The following CTBP1 variants were observed in gnomAD, a reference collection of about 807,000 sequenced individuals.
CTBP1 encodes the protein C-terminal-binding protein 1.
A neutral mutation model predicts 42.1 loss-of-function variants in CTBP1; 11 were observed. The ratio of observed to expected loss-of-function variants is 0.26; its 90% CI spans 0.16 to 0.43. The LOEUF (loss-of-function observed/expected upper bound fraction) is 0.43, where lower values mean the gene tolerates loss of function less well. CTBP1 is among the 20% of genes least tolerant of loss of function. The pLI, the probability that CTBP1 is intolerant of heterozygous loss-of-function variation, is 1.00. For missense variants in CTBP1, 399 were observed against 624.3 expected (o/e 0.64, Z 3.85); for synonymous variants, 324 against 277.1 (o/e 1.17, Z -1.68).
chr4:1,246,987 G>C (rs1048124388), intron 1 of CTBP1, among the ~76,000 whole-genome samples: 1 of 152,180 alleles, frequency 6.6e-6, no homozygotes, highest in Non-Finnish European at 1.5e-5. Flanking sequence ...CAGGGGGCCG[G>C]CTCTGCGCCA....
intron 1 of CTBP1, chr4:1,242,519 C>T (rs1732283723): frequency 1.0e-6 from 1 of 984,964 alleles, no homozygotes; most frequent in Admixed American, 6.1e-5. Flanking sequence ...ATCTCCAACC[C>T]TCAACTCCCT....
chr4:1,233,315 T>A lies in CTBP1; in HGVS notation c.162+4868A>T, dbSNP rs1731155838. The A allele has an allele frequency of 6.6e-6, 1 of 152,304 alleles. No homozygotes were observed. Among genetic ancestry groups the A allele is most frequent in the Non-Finnish European group, 1.5e-5 (1 of 68,138 alleles). The allele number at this position is 152,304 out of a possible 1,614,324, so 9.4% of individuals were successfully genotyped here. A position where few individuals can be genotyped will look rare whatever the true frequency, so the allele number is the denominator to read the frequency against. On this transcript the variant is annotated intron_variant, in intron 3 of 9. Transcript: ENST00000382952. This position sits in a 1 kb window ranked among gnomAD's most constrained non-coding sequence, Gnocchi z 4.6. ...TTGTGTGTTTTTCCGGGATTTCTAA[T>A]CACTTCGTTTCCTGCACAGCCCCAG...
At chr4:1,223,035 G>A (rs1022382369) in intron 5 of CTBP1, among the ~76,000 whole-genome samples, 2 of 151,820 alleles carry the variant, frequency 1.3e-5, no homozygotes, top group South Asian at 2.1e-4. Flanking sequence ...CACATGAGGC[G>A]CCTCCTGTCC....
chr4:1,211,987 A>C lies in CTBP1; in HGVS notation c.*253T>G. 5.7e-6 allele frequency: 2 copies of C among 350,680 alleles called. No homozygotes were observed. The highest frequency in any genetic ancestry group is 1.0e-5 in the Non-Finnish European group (2 of 196,428). The allele number at this position is 350,680 out of a possible 1,614,324, so 21.7% of individuals were successfully genotyped here. ...AATGTTCTAAAAACTGTACACAGACAAGAACGTTCATGGGAGAATAACTAC... is the reference window on the plus strand; with the variant it reads ...AATGTTCTAAAAACTGTACACAGACCAGAACGTTCATGGGAGAATAACTAC... On this transcript the variant is annotated 3_prime_UTR_variant, in exon 10 of 10. Transcript: ENST00000382952.
intron 4 of CTBP1, among the ~76,000 whole-genome samples, chr4:1,226,673 G>A (rs1455583369): frequency 2.6e-5 from 4 of 151,430 alleles, no homozygotes; most frequent in Non-Finnish European, 4.4e-5. Flanking sequence ...TAACAGAGAT[G>A]GTAAACAGCA....
At chr4:1,220,922 C>T (rs1729667881) in intron 5 of CTBP1, among the ~76,000 whole-genome samples, 1 of 152,212 alleles carries the variant, frequency 6.6e-6, no homozygotes. Context: ...AAACAGATTC[C>T]TCAGGACACA....
intron 4 of CTBP1, among the ~76,000 whole-genome samples, chr4:1,227,901 C>G (rs1426648429): frequency 1.3e-5 from 2 of 152,234 alleles, no homozygotes; most frequent in Non-Finnish European, 2.9e-5. Context: ...CTGCCCTCAC[C>G]CCCAGGGTCC....
At chr4:1,223,633 A>G (rs1729992218) in intron 5 of CTBP1, 2 of 390,756 alleles carry the variant, frequency 5.1e-6, no homozygotes, top group Non-Finnish European at 1.0e-5. Context: ...CAGCTGGGCC[A>G]AGGTGTCCAG....
chr4:1,245,719 G>A (rs977131236), intron 1 of CTBP1: 34 of 977,952 alleles, frequency 3.5e-5, no homozygotes, highest in Non-Finnish European at 3.8e-5. Context: ...GATGGCACAA[G>A]CAGGTCAGGG....
chr4:1,246,245 A>G (rs1732708937), intron 1 of CTBP1, among the ~76,000 whole-genome samples: 1 of 151,994 alleles, frequency 6.6e-6, no homozygotes, highest in South Asian at 2.1e-4. Context: ...AACTACCAAC[A>G]TCCAGCGACC....
chr4:1,242,391 AGCATGGCAG>A (rs1732269124), intron 1 of CTBP1: 1 of 985,246 alleles, frequency 1.0e-6, no homozygotes, highest in African/African-American at 1.7e-5. Context: ...CCAGCCCAGC[AGCATGGCAG>A]GCGTGGGCTG....
intron 1 of CTBP1, chr4:1,244,357 G>GGT (rs1006647729): frequency 4.2e-5 from 41 of 977,932 alleles, no homozygotes; most frequent in African/African-American, 1.2e-4. Context: ...TGGGCACTGG[G>GGT]GGGGGGGTGT....
At chr4:1,220,587 A>G (rs1282786755) in intron 5 of CTBP1, among the ~76,000 whole-genome samples, 1 of 152,268 alleles carries the variant, frequency 6.6e-6, no homozygotes, top group African/African-American at 2.4e-5. Flanking sequence ...ACCCTCGTCA[A>G]GAACATGGTG....
At chr4:1,242,618 C>G in intron 1 of CTBP1, 1 of 985,458 alleles carries the variant, frequency 1.0e-6, no homozygotes, top group Non-Finnish European at 1.2e-6. Flanking sequence ...CACGCACCTC[C>G]CATCCAGGGT....
chr4:1,214,129 G>T, intron 7 of CTBP1: 1 of 585,260 alleles, frequency 1.7e-6, no homozygotes, highest in Non-Finnish European at 2.8e-6. Flanking sequence ...GGCTGAGGAG[G>T]TTGAGCAGCC....
At chr4:1,213,448 C>T (rs1303088963) in intron 8 of CTBP1, 30 bp downstream of exon 8, 12 of 1,605,138 alleles carry the variant, frequency 7.5e-6, no homozygotes, top group Non-Finnish European at 9.3e-6. Flanking sequence ...AAGGGACCCC[C>T]AGGCCTGACC....
chr4:1,217,201 G>A (rs1028369206), intron 5 of CTBP1: 1 of 152,330 alleles, frequency 6.6e-6, no homozygotes, highest in Non-Finnish European at 1.5e-5. Context: ...ACGCCCAGGG[G>A]ACCCCCAGTC....
rs544299694 is a variant in CTBP1 at position 1,233,002 on chromosome 4, G to A, written c.163-4659C>T. The A allele has an allele frequency of 6.5e-6, 1 of 152,758 alleles. No individual in the cohort carries two copies. The highest frequency in any genetic ancestry group is 6.5e-5 in the Admixed American group (1 of 15,304). 9.5% of individuals were successfully genotyped at this position (152,758 alleles called of 1,614,324 possible). A position where few individuals can be genotyped will look rare whatever the true frequency, so the allele number is the denominator to read the frequency against. On this transcript the variant is annotated intron_variant, in intron 3 of 9. Coordinates refer to ENST00000382952, the MANE Select transcript of CTBP1 (RefSeq NM_001012614.2). This position sits in a 1 kb window ranked among gnomAD's most constrained non-coding sequence, Gnocchi z 4.6. ...GCCCAACTGGATCTTCTAGACCTGA[G>A]AGGGGGTCCTGGGGTCTGGACATGC... is the stretch of plus-strand genomic sequence containing the variant.
rs1271305081 is a variant in CTBP1 at position 1,220,269 on chromosome 4, C to T, written c.515-4064G>A. 6.9e-5 allele frequency among the ~76,000 whole-genome samples: 10 copies of T among 144,656 alleles called. No homozygotes were observed. The East Asian group carries it at 1.4e-3, about 20-fold the overall frequency. 94.9% of individuals were successfully genotyped at this position (144,656 alleles called of 152,430 possible). ...TCACGCCACTGTACTCCAGCCTGGG[C>T]GACAGAGCAAGACTGTCTCCAAAAA... On this transcript the variant is annotated intron_variant, in intron 5 of 9. Transcript: ENST00000382952.
Sources: gnomAD v4.1 joint callset for allele counts (sites outside exome capture counted in the v4.1 genomes callset) on GRCh38, gnomAD v4.1.1 for gene constraint, Gnocchi (gnomAD v3.1) non-coding constraint, MANE v1.5 for transcripts, NCBI Gene and HGNC (gene_info 2026-07-23, HGNC 2026-07-21) for gene names.